The following C9 variants were observed in gnomAD, a reference collection of about 807,000 sequenced individuals.
C9 encodes the protein complement component C9.
Under a neutral mutation model 65.4 loss-of-function variants are expected in C9, and 63 were observed. The ratio of observed to expected loss-of-function variants is 0.96; its 90% CI spans 0.79 to 1.19. The LOEUF (loss-of-function observed/expected upper bound fraction) is 1.19. Ranked by LOEUF, C9 falls within the 50% of genes most tolerant of loss-of-function variation. The pLI is 0.00. For synonymous variants in C9, 229 were observed against 227.9 expected, an observed-to-expected ratio of 1.00 and a Z score of -0.04; for missense variants, 744 against 670.1, an observed-to-expected ratio of 1.11 and a Z score of -1.22.
chr5:39,326,253 G>C (rs375741549), intron 5 of C9, among the ~76,000 whole-genome samples: 23 of 152,192 alleles, frequency 1.5e-4, no homozygotes, highest in East Asian at 5.8e-4. Context: ...GGTAAGTGGA[G>C]GAAGTTACCA....
At chr5:39,345,193 G>C (rs1357032755) in intron 1 of C9, among the ~76,000 whole-genome samples, 1 of 152,118 alleles carries the variant, frequency 6.6e-6, no homozygotes, top group Non-Finnish European at 1.5e-5. Flanking sequence ...AATGCAAAAT[G>C]GGCTAAATGC....
Position 39,343,524 on chromosome 5 carries a change from A to C in C9, c.78-1328T>G, listed in dbSNP as rs140036947. 9.1e-3 allele frequency among the ~76,000 whole-genome samples: 1,392 copies of C among 152,314 alleles called. 106 individuals carry two copies. The East Asian group carries it at 0.16, about 17-fold the overall frequency. On this transcript the variant is annotated intron_variant, in intron 1 of 10. Coordinates refer to ENST00000263408, the MANE Select transcript of C9 (RefSeq NM_001737.5). ...GCTTGAATATGTAAACAAAGCAGCC[A>C]GGAAGCTCGAACTGGGTGGAGCCCA...
Position 39,341,194 on chromosome 5 carries a change from C to T in C9, c.428G>A (p.Arg143Lys). The change falls in exon 4 of 11, where the codon AGA (arginine) becomes AAA (lysine). Residue 143 changes from arginine (R) to lysine (K), a missense_variant. Arg to Lys is a conservative substitution (Grantham distance 26, BLOSUM62 2). Coordinates refer to ENST00000263408, the MANE Select transcript of C9 (RefSeq NM_001737.5). ...DCESEPRPPCRDRVVEESELA... is the reference protein window; with the variant it reads ...DCESEPRPPCKDRVVEESELA... ...CTCAGACTCTTCTACCACTCTGTCT[C>T]TGCAGGGGGGACGGGGCTCACTTTC... The T allele has an allele frequency of 5.6e-6, 9 of 1,614,228 alleles. No individual in the cohort carries two copies. Among genetic ancestry groups the T allele is most frequent in the Non-Finnish European group, 7.6e-6 (9 of 1,180,034 alleles).
chr5:39,320,197 T>C (rs155379), intron 5 of C9, among the ~76,000 whole-genome samples: 4,513 of 152,034 alleles, frequency 0.03, 207 homozygotes, highest in African/African-American at 0.1. Context: ...TGCCTGATAA[T>C]GAATTCAAAA....
chr5:39,355,928 C>G (rs2111982922), intron 1 of C9, among the ~76,000 whole-genome samples: 1 of 152,246 alleles, frequency 6.6e-6, no homozygotes, highest in South Asian at 2.1e-4. Context: ...CTAATGACCT[C>G]ATTTTAACTT....
chr5:39,304,766 A>AC (rs756536617), intron 9 of C9, among the ~76,000 whole-genome samples: 1 of 152,304 alleles, frequency 6.6e-6, no homozygotes, highest in South Asian at 2.1e-4. Context: ...TGGAATGCCT[A>AC]CCAACCTGAA....
chr5:39,349,574 G>A (rs779458890), intron 1 of C9, among the ~76,000 whole-genome samples: 2 of 152,146 alleles, frequency 1.3e-5, no homozygotes, highest in Admixed American at 1.3e-4. Flanking sequence ...TTTTAGCCAA[G>A]TTTCTTGAGA....
intron 1 of C9, among the ~76,000 whole-genome samples, chr5:39,343,662 C>T (rs1246954732): frequency 1.3e-5 from 2 of 152,206 alleles, no homozygotes; most frequent in Non-Finnish European, 2.9e-5. Flanking sequence ...TGCCTGACAG[C>T]TTTGAAGAGA....
intron 4 of C9, among the ~76,000 whole-genome samples, chr5:39,336,981 TG>T (rs1458355376): frequency 1.3e-5 from 2 of 151,078 alleles, no homozygotes; most frequent in Non-Finnish European, 2.9e-5. Flanking sequence ...AGTTGTGTCT[TG>T]TTTTTTTTTT....
In C9 at chr5:39,364,454, C is replaced by T. The variant is rs751875846; in HGVS notation, c.11G>A (p.Cys4Tyr). 6.2e-7 allele frequency: 1 copy of T among 1,605,192 alleles called. No individual in the cohort carries two copies. Among genetic ancestry groups the T allele is most frequent in the South Asian group, 1.1e-5 (1 of 90,838 alleles). MSA[C>Y]RSFAVAICIL... ...GCAGATTGCAACTGCAAAGCTCCGG[C>T]AGGCTGACATGCTGCTCTTGCTGGG... The change falls in exon 1 of 11, where the codon TGC (cysteine) becomes TAC (tyrosine). Residue 4 changes from cysteine to tyrosine, a missense_variant. Physicochemically the swap from Cys to Tyr is radical, Grantham distance 194 (BLOSUM62 -2). Coordinates refer to ENST00000263408, the MANE Select transcript of C9 (RefSeq NM_001737.5).
In C9 at chr5:39,364,455, A is replaced by C; in HGVS notation, c.10T>G (p.Cys4Gly). Residue 4 changes from cysteine to glycine, a missense_variant, in exon 1 of 11, where the codon TGC becomes GGC. Transcript: ENST00000263408. Reference sequence around the variant, plus strand: ...CAGATTGCAACTGCAAAGCTCCGGCAGGCTGACATGCTGCTCTTGCTGGGT... The same window carrying C: ...CAGATTGCAACTGCAAAGCTCCGGCCGGCTGACATGCTGCTCTTGCTGGGT... MSA[C>G]RSFAVAICIL... 6.2e-7 allele frequency: 1 copy of C among 1,605,232 alleles called. No homozygotes were observed. Among genetic ancestry groups the C allele is most frequent in the Non-Finnish European group, 8.5e-7 (1 of 1,172,712 alleles).
Position 39,331,608 on chromosome 5 carries a change from T to C in C9, c.615+68A>G. ...CTACTGAGTTTTTCACATTGTTTGG[T>C]ACTAAACTTATTTAAGCAATTTTTC... is the stretch of plus-strand genomic sequence containing the variant. On this transcript the variant is annotated intron_variant, in intron 5 of 10. Coordinates refer to ENST00000263408, the MANE Select transcript of C9 (RefSeq NM_001737.5). 5.5e-6 allele frequency: 7 copies of C among 1,281,268 alleles called. No homozygotes were observed. In the South Asian group the frequency reaches 8.3e-5, roughly 15 times the overall value. The allele number at this position is 1,281,268 out of a possible 1,614,324, so 79.4% of individuals were successfully genotyped here.
chr5:39,301,580 C>G (rs180891628), intron 9 of C9, among the ~76,000 whole-genome samples: 2 of 152,050 alleles, frequency 1.3e-5, no homozygotes, highest in African/African-American at 4.8e-5. Context: ...ATATTACTCT[C>G]TGTACTATTC....
At chr5:39,328,678 C>G (rs1295356216) in intron 5 of C9, among the ~76,000 whole-genome samples, 1 of 152,006 alleles carries the variant, frequency 6.6e-6, no homozygotes, top group Non-Finnish European at 1.5e-5. Context: ...AAAAAAGATT[C>G]CAAAAAGACT....
intron 1 of C9, among the ~76,000 whole-genome samples, chr5:39,342,712 G>T (rs1754112833): frequency 6.6e-6 from 1 of 151,992 alleles, no homozygotes; most frequent in Non-Finnish European, 1.5e-5. Context: ...CCCCTCTCTG[G>T]TATTCTGTAT....
At position 39,299,940 on chromosome 5, in the gene C9, T is replaced by G. The variant is rs192898780; in HGVS notation, c.1416+6677A>C. On this transcript the variant is annotated intron_variant, in intron 9 of 10. Coordinates refer to ENST00000263408, the MANE Select transcript of C9 (RefSeq NM_001737.5). ...CTAACTATACCTCTGATAAAGACTC[T>G]GATGACTGGAAAATGTACACTAAAA... is the stretch of plus-strand genomic sequence containing the variant. 4.3e-3 allele frequency among the ~76,000 whole-genome samples: 651 copies of G among 152,302 alleles called. 6 individuals are homozygous for G. Among genetic ancestry groups the G allele is most frequent in the African/African-American group, 0.014 (578 of 41,590 alleles).
chr5:39,355,511 C>T (rs1341325863), intron 1 of C9, among the ~76,000 whole-genome samples: 1 of 151,922 alleles, frequency 6.6e-6, no homozygotes, highest in Admixed American at 6.6e-5. Context: ...ATAGAAAGCA[C>T]CAGATCTTTG....
At chr5:39,340,010 C>T (rs1754045981) in intron 4 of C9, among the ~76,000 whole-genome samples, 1 of 152,118 alleles carries the variant, frequency 6.6e-6, no homozygotes, top group Non-Finnish European at 1.5e-5. Flanking sequence ...CACTGCCTTA[C>T]CCTTCTACCA....
chr5:39,297,001 T>C (rs1022757466), intron 9 of C9, among the ~76,000 whole-genome samples: 1 of 151,420 alleles, frequency 6.6e-6, no homozygotes, highest in Non-Finnish European at 1.5e-5. Context: ...TCATACTGAA[T>C]GGGAAAGAGC....
Sources: gnomAD v4.1 joint callset for allele counts (sites outside exome capture counted in the v4.1 genomes callset) on GRCh38, gnomAD v4.1.1 for gene constraint, MANE v1.5 for transcripts, NCBI Gene and HGNC (gene_info 2026-07-23, HGNC 2026-07-21) for gene names.